Variants in KLHDC7B observed in about 807,000 individuals in gnomAD.
KLHDC7B encodes kelch domain-containing protein 7B.
A neutral mutation model predicts 0.6 loss-of-function variants in KLHDC7B; 1 was observed. The observed-to-expected ratio is 1.71, with a 90% CI of 0.61 to 8.11. KLHDC7B has a LOEUF of 8.11. KLHDC7B is among the 30% of genes most tolerant of loss of function. The pLI is 0.13. For synonymous variants in KLHDC7B, 462 were observed against 405.2 expected, an observed-to-expected ratio of 1.14 and a Z score of -1.68; for missense variants, 993 against 894.9, an observed-to-expected ratio of 1.11 and a Z score of -1.40.
rs777216248 is a variant in KLHDC7B at position 50,549,536 on chromosome 22, G to T, written c.3293G>T (p.Gly1098Val). The T allele has an allele frequency of 1.2e-6, 2 of 1,605,112 alleles. No individual in the cohort carries two copies. Among genetic ancestry groups the T allele is most frequent in the East Asian group, 2.2e-5 (1 of 44,708 alleles). ...CGTGGGGACATCTACGTCACCGGGG[G>T]TCACCTCTTCTACCGCCTGCTCAGG... ...ACRGDIYVTG[G>V]HLFYRLLRYS... Residue 1098 changes from glycine to valine, a missense_variant, in exon 1 of 1, where the codon GGT becomes GTT. By Grantham distance (109) the Gly-to-Val change is moderately radical. Coordinates refer to ENST00000648057, the MANE Select transcript of KLHDC7B (RefSeq NM_138433.5).
In KLHDC7B at chr22:50,546,889, G is replaced by A. The variant is rs1005506165; in HGVS notation, c.646G>A (p.Ala216Thr). ...AGQQDTGPWQ[A>T]GAGPSGSMGR... is the part of the protein sequence containing the mutation. The stretch of plus-strand genomic sequence containing the variant: ...GCAACAGGACACTGGCCCCTGGCAG[G>A]CGGGCGCGGGGCCCTCGGGCTCGAT... Residue 216 changes from alanine (A) to threonine (T), a missense_variant, in exon 1 of 1, where the codon GCG becomes ACG. Transcript: ENST00000648057. Among the ~76,000 whole-genome samples, 2 of 152,026 alleles carry A rather than the reference G, an allele frequency of 1.3e-5. No homozygotes were observed. The highest frequency in any genetic ancestry group is 2.9e-5 in the Non-Finnish European group (2 of 67,938).
Position 50,548,347 on chromosome 22 carries a change from G to A in KLHDC7B, c.2104G>A (p.Gly702Ser), listed in dbSNP as rs1230571142. The change falls in exon 1 of 1, where the codon GGT becomes AGT. Residue 702 changes from glycine to serine, a missense_variant. By Grantham distance (56) the Gly-to-Ser change is moderately conservative (BLOSUM62 0). Transcript: ENST00000648057. This position sits in a 1 kb window ranked among gnomAD's most constrained non-coding sequence, Gnocchi z 5.3. Reference sequence around the variant, plus strand: ...TACAGGGGGCCTGGTTGAGGCTGGAGGTCAGCCACAGCCAAGAAGCTCCGA... The same window carrying A: ...TACAGGGGGCCTGGTTGAGGCTGGAAGTCAGCCACAGCCAAGAAGCTCCGA... ...TGTGGLVEAG[G>S]QPQPRSSETN... 6.4e-7 allele frequency: 1 copy of A among 1,550,742 alleles called. No individual in the cohort carries two copies. Among genetic ancestry groups the A allele is most frequent in the Non-Finnish European group, 8.7e-7 (1 of 1,146,990 alleles).
chr22:50,548,746 G>A lies in KLHDC7B; in HGVS notation c.2503G>A (p.Val835Met). 1 of 1,458,288 alleles carries A rather than the reference G, an allele frequency of 6.9e-7. No individual in the cohort carries two copies. The allele number at this position is 1,458,288 out of a possible 1,614,324, so 90.3% of individuals were successfully genotyped here. ...TCTGCAGAGGCCCGGGGGTTGGGGG[G>A]TGGTGGAGGGGCCCCGGAAGCCCAG... The part of the protein sequence containing the change: ...VFLQRPGGWG[V>M]VEGPRKPSSR... Residue 835 changes from valine (V) to methionine (M), a missense_variant, in exon 1 of 1, where the codon GTG (valine) becomes ATG (methionine). Transcript: ENST00000648057. The surrounding 1 kb of genome is among the most constrained non-coding windows in gnomAD (Gnocchi z 5.3).
rs1396568299 is a variant in KLHDC7B at position 50,549,632 on chromosome 22, T to C, written c.3389T>C (p.Val1130Ala). ...AGCCACCGGCGTTCCAGCGACATCG[T>C]GGCACTGGGGGGCTTCCTGTACCGC... ...SASHRRSSDI[V>A]ALGGFLYRFD... The change falls in exon 1 of 1, where the codon GTG becomes GCG. Residue 1130 changes from valine to alanine, a missense_variant. Physicochemically the swap from Val to Ala is moderately conservative, Grantham distance 64. Coordinates refer to ENST00000648057, the MANE Select transcript of KLHDC7B (RefSeq NM_138433.5). 1.9e-6 allele frequency: 3 copies of C among 1,558,110 alleles called. No individual in the cohort carries two copies. The South Asian group carries it at 3.6e-5, about 19-fold the overall frequency.
In KLHDC7B at chr22:50,549,532, G is replaced by A. The variant is rs375949211; in HGVS notation, c.3289G>A (p.Gly1097Arg). 9 of 1,605,698 alleles carry A rather than the reference G, an allele frequency of 5.6e-6. No homozygotes were observed. The highest frequency in any genetic ancestry group is 4.4e-5 in the South Asian group (4 of 90,424). The change falls in exon 1 of 1, where the codon GGG (glycine) becomes AGG (arginine). Residue 1097 changes from glycine to arginine, a missense_variant. Physicochemically the swap from Gly to Arg is moderately radical, Grantham distance 125. Coordinates refer to ENST00000648057, the MANE Select transcript of KLHDC7B (RefSeq NM_138433.5). ...VACRGDIYVT[G>R]GHLFYRLLRY... ...CTGCCGTGGGGACATCTACGTCACC[G>A]GGGGTCACCTCTTCTACCGCCTGCT...
rs2148694447 is a variant in KLHDC7B at position 50,546,000 on chromosome 22, T to G, written c.-244T>G. Among the ~76,000 whole-genome samples, 1 of 151,430 alleles carries G rather than the reference T, an allele frequency of 6.6e-6. No homozygotes were observed. Among genetic ancestry groups the G allele is most frequent in the South Asian group, 2.1e-4 (1 of 4,774 alleles). On this transcript the variant is annotated 5_prime_UTR_variant, in exon 1 of 1. Coordinates refer to ENST00000648057, the MANE Select transcript of KLHDC7B (RefSeq NM_138433.5). ...AGAGGGCAGGAGCTGGTGGGGTGCT[T>G]GCAGAGACCCTGGGCTCCTATCCTG...
rs751990105 is a variant in KLHDC7B, at chr22:50,549,005, G to A, written c.2762G>A (p.Arg921Gln). The stretch of plus-strand genomic sequence containing the variant: ...CTCAGCCTGCGGACCGGCCGGGGCC[G>A]GGCGGTGCTGGGCGTCCTCGTACTG... ...RILSLRTGRG[R>Q]AVLGVLVLPS... Residue 921 changes from arginine to glutamine, a missense_variant, in exon 1 of 1, where the codon CGG (arginine) becomes CAG (glutamine). Coordinates refer to ENST00000648057, the MANE Select transcript of KLHDC7B (RefSeq NM_138433.5). 37 of 1,594,866 alleles carry A rather than the reference G, an allele frequency of 2.3e-5. No homozygotes were observed. The highest frequency in any genetic ancestry group is 2.8e-5 in the Non-Finnish European group (33 of 1,175,028).
Position 50,549,899 on chromosome 22 carries a change from G to C in KLHDC7B, c.3656G>C (p.Ser1219Thr). The C allele has an allele frequency of 6.3e-7, 1 of 1,590,214 alleles. No individual in the cohort carries two copies. Among genetic ancestry groups the C allele is most frequent in the Non-Finnish European group, 8.6e-7 (1 of 1,166,816 alleles). The change falls in exon 1 of 1, where the codon AGT (serine) becomes ACT (threonine). Residue 1219 changes from serine to threonine, a missense_variant. Coordinates refer to ENST00000648057, the MANE Select transcript of KLHDC7B (RefSeq NM_138433.5). Reference sequence around the variant, plus strand: ...CCCTTGGGGAGCACCGGGGTCCTCAGTCCATTCATCCTGACTCTGCCCCCT... The same window carrying C: ...CCCTTGGGGAGCACCGGGGTCCTCACTCCATTCATCCTGACTCTGCCCCCT... ...PFPLGSTGVL[S>T]PFILTLPPED...
At position 50,548,635 on chromosome 22, in the gene KLHDC7B, G is replaced by T. The variant is rs1007650456; in HGVS notation, c.469G>T (p.Glu157Ter). The T allele has an allele frequency of 2.0e-6, 3 of 1,535,480 alleles. No homozygotes were observed. The highest frequency in any genetic ancestry group is 1.8e-6 in the Non-Finnish European group (2 of 1,141,072). ...GGCCGCCTCGGGGGACCCTCAAGGG[G>T]AGGCGCCGGGGGAGGGGGGCAGCCC... is the stretch of plus-strand genomic sequence containing the variant. The change falls in exon 1 of 1, where the codon GAG becomes TAG. Residue 157 changes from glutamate to a stop codon, truncating the protein, a stop_gained. Transcript: ENST00000395676. LOFTEE classifies it low-confidence loss of function (END_TRUNC). The surrounding 1 kb of genome is among the most constrained non-coding windows in gnomAD (Gnocchi z 5.3).
At position 50,549,445 on chromosome 22, in the gene KLHDC7B, G is replaced by T; in HGVS notation, c.3202G>T (p.Ala1068Ser). 1 of 1,612,672 alleles carries T rather than the reference G, an allele frequency of 6.2e-7. No individual in the cohort carries two copies. The highest frequency in any genetic ancestry group is 8.5e-7 in the Non-Finnish European group (1 of 1,179,916). ...SMECYDPRTD[A>S]WTPRAPLPAG... The stretch of plus-strand genomic sequence containing the variant: ...GGAGTGCTACGACCCGCGAACAGAC[G>T]CCTGGACCCCACGCGCGCCACTCCC... Residue 1068 changes from alanine to serine, a missense_variant, in exon 1 of 1, where the codon GCC (alanine) becomes TCC (serine). By Grantham distance (99) the Ala-to-Ser change is moderately conservative (BLOSUM62 1). Coordinates refer to ENST00000648057, the MANE Select transcript of KLHDC7B (RefSeq NM_138433.5).
At position 50,548,369 on chromosome 22, in the gene KLHDC7B, C is replaced by T. The variant is rs2148695423; in HGVS notation, c.2126C>T (p.Ser709Phe). Reference sequence around the variant, plus strand: ...GGAGGTCAGCCACAGCCAAGAAGCTCCGAGACCAACGGATCGCCCAGCCCA... The same window carrying T: ...GGAGGTCAGCCACAGCCAAGAAGCTTCGAGACCAACGGATCGCCCAGCCCA... Reference protein sequence around the residue: ...EAGGQPQPRSSETNGSPSPDP... With the variant: ...EAGGQPQPRSFETNGSPSPDP... Residue 709 changes from serine to phenylalanine, a missense_variant, in exon 1 of 1, where the codon TCC (serine) becomes TTC (phenylalanine). Ser to Phe is a radical substitution (Grantham distance 155). Transcript: ENST00000648057. The surrounding 1 kb of genome is among the most constrained non-coding windows in gnomAD (Gnocchi z 5.3). 1.3e-6 allele frequency: 2 copies of T among 1,551,596 alleles called. No individual in the cohort carries two copies. The highest frequency in any genetic ancestry group is 1.2e-5 in the South Asian group (1 of 84,096).
Position 50,547,858 on chromosome 22 carries a change from A to G in KLHDC7B, c.1615A>G (p.Thr539Ala), listed in dbSNP as rs1343756245. Residue 539 changes from threonine (T) to alanine (A), a missense_variant, in exon 1 of 1, where the codon ACC becomes GCC. Coordinates refer to ENST00000648057, the MANE Select transcript of KLHDC7B (RefSeq NM_138433.5). ...TPAPAPVPVP[T>A]LTPPSPALTP... ...AGCCCCAGCCCCAGTCCCAGTCCCA[A>G]CCCTCACACCCCCATCCCCAGCCCT... 7.1e-6 allele frequency among the ~76,000 whole-genome samples: 1 copy of G among 140,672 alleles called. No homozygotes were observed. The highest frequency in any genetic ancestry group is 1.5e-5 in the Non-Finnish European group (1 of 64,966). The allele number at this position is 140,672 out of a possible 152,430, so 92.3% of individuals were successfully genotyped here.
rs755046330 is a variant in KLHDC7B at position 50,548,650 on chromosome 22, G to T, written c.2407G>T (p.Gly803Trp). The change falls in exon 1 of 1, where the codon GGG (glycine) becomes TGG (tryptophan). Residue 803 changes from glycine to tryptophan, a missense_variant. Transcript: ENST00000648057. This position sits in a 1 kb window ranked among gnomAD's most constrained non-coding sequence, Gnocchi z 5.3. ...GDPQGEAPGE[G>W]GSPAGRSGAL... ...CCCTCAAGGGGAGGCGCCGGGGGAG[G>T]GGGGCAGCCCTGCCGGCCGCAGCGG... The T allele has an allele frequency of 2.0e-6, 3 of 1,533,404 alleles. No homozygotes were observed. Among genetic ancestry groups the T allele is most frequent in the Non-Finnish European group, 2.6e-6 (3 of 1,139,926 alleles). The allele number at this position is 1,533,404 out of a possible 1,614,324, so 95.0% of individuals were successfully genotyped here. A position where few individuals can be genotyped will look rare whatever the true frequency, so the allele number is the denominator to read the frequency against.
rs907322169 is a variant in KLHDC7B at position 50,547,731 on chromosome 22, C to G, written c.1488C>G (p.Thr496=). The G allele has an allele frequency of 8.4e-6, 4 of 473,452 alleles. No homozygotes were observed. Among genetic ancestry groups the G allele is most frequent in the Non-Finnish European group, 3.7e-6 (1 of 269,030 alleles). 29.3% of individuals were successfully genotyped at this position (473,452 alleles called of 1,614,324 possible). Residue 496 remains threonine, a synonymous_variant, in exon 1 of 1, where the codon ACC becomes ACG. Transcript: ENST00000648057. ...CCAGCTCAGCACCAACCTCAGCCAC[C>G]ACCTCAACCTCATCCCCCACCTCAG... ...SSPSSAPTSA[T]TSTSSPTSAP...
At position 50,548,345 on chromosome 22, in the gene KLHDC7B, G is replaced by T. The variant is rs1272383165; in HGVS notation, c.2102G>T (p.Gly701Val). ...GTGTGGLVEA[G>V]GQPQPRSSET... ...GGTACAGGGGGCCTGGTTGAGGCTGGAGGTCAGCCACAGCCAAGAAGCTCC... is the reference window on the plus strand; with the variant it reads ...GGTACAGGGGGCCTGGTTGAGGCTGTAGGTCAGCCACAGCCAAGAAGCTCC... Residue 701 changes from glycine (G) to valine (V), a missense_variant, in exon 1 of 1, where the codon GGA (glycine) becomes GTA (valine). Physicochemically the swap from Gly to Val is moderately radical, Grantham distance 109 (BLOSUM62 -3). Transcript: ENST00000648057. The surrounding 1 kb of genome is among the most constrained non-coding windows in gnomAD (Gnocchi z 5.3). The T allele has an allele frequency of 6.4e-7, 1 of 1,550,726 alleles. No homozygotes were observed. Among genetic ancestry groups the T allele is most frequent in the African/African-American group, 1.4e-5 (1 of 72,986 alleles).
In KLHDC7B at chr22:50,549,332, G is replaced by C; in HGVS notation, c.3089G>C (p.Arg1030Pro). ...CTGACCAACATCTGGAGCCAGGTTC[G>C]GCCCATGCAGCAGGCCCGAGCCCAG... ...NPLTNIWSQV[R>P]PMQQARAQLK... The change falls in exon 1 of 1, where the codon CGG (arginine) becomes CCG (proline). Residue 1030 changes from arginine (R) to proline (P), a missense_variant. By Grantham distance (103) the Arg-to-Pro change is moderately radical (BLOSUM62 -2). Coordinates refer to ENST00000648057, the MANE Select transcript of KLHDC7B (RefSeq NM_138433.5). The C allele has an allele frequency of 6.2e-7, 1 of 1,612,848 alleles. No individual in the cohort carries two copies. The highest frequency in any genetic ancestry group is 1.1e-5 in the South Asian group (1 of 91,092).
rs1464363749 is a variant in KLHDC7B at position 50,546,757 on chromosome 22, T to C, written c.514T>C (p.Ser172Pro). The part of the protein sequence containing the change: ...LLGRSEAGGM[S>P]APLLIHFTPR... Reference sequence around the variant, plus strand: ...GGGCAGGAGCGAAGCAGGGGGGATGTCCGCCCCCCTCCTGATCCACTTCAC... The same window carrying C: ...GGGCAGGAGCGAAGCAGGGGGGATGCCCGCCCCCCTCCTGATCCACTTCAC... Residue 172 changes from serine (S) to proline (P), a missense_variant, in exon 1 of 1, where the codon TCC (serine) becomes CCC (proline). Physicochemically the swap from Ser to Pro is moderately conservative, Grantham distance 74. Transcript: ENST00000648057. 6.6e-6 allele frequency among the ~76,000 whole-genome samples: 1 copy of C among 152,088 alleles called. No homozygotes were observed. The highest frequency in any genetic ancestry group is 2.1e-4 in the South Asian group (1 of 4,822).
In KLHDC7B at chr22:50,548,617, T is replaced by G. The variant is rs2069762016; in HGVS notation, c.2374T>G (p.Ser792Ala). The change falls in exon 1 of 1, where the codon TCG (serine) becomes GCG (alanine). Residue 792 changes from serine to alanine, a missense_variant. Physicochemically the swap from Ser to Ala is moderately conservative, Grantham distance 99 (BLOSUM62 1). Coordinates refer to ENST00000648057, the MANE Select transcript of KLHDC7B (RefSeq NM_138433.5). The surrounding 1 kb of genome is among the most constrained non-coding windows in gnomAD (Gnocchi z 5.3). Reference sequence around the variant, plus strand: ...GGAGCAGGAGGTCAGGCCGGCCGCCTCGGGGGACCCTCAAGGGGAGGCGCC... The same window carrying G: ...GGAGCAGGAGGTCAGGCCGGCCGCCGCGGGGGACCCTCAAGGGGAGGCGCC... ...SSEQEVRPAA[S>A]GDPQGEAPGE... 1 of 1,542,186 alleles carries G rather than the reference T, an allele frequency of 6.5e-7. No homozygotes were observed. Among genetic ancestry groups the G allele is most frequent in the South Asian group, 1.2e-5 (1 of 83,866 alleles).
At position 50,547,157 on chromosome 22, in the gene KLHDC7B, G is replaced by C. The variant is rs551459587; in HGVS notation, c.914G>C (p.Gly305Ala). ...CTGCAGCCTGGGTCTCAGACGGAAG[G>C]CTCTGGGGCCAAGGGTGGCTGGAGC... ...RALQPGSQTE[G>A]SGAKGGWSRE... The change falls in exon 1 of 1, where the codon GGC becomes GCC. Residue 305 changes from glycine (G) to alanine (A), a missense_variant. Physicochemically the swap from Gly to Ala is moderately conservative, Grantham distance 60 (BLOSUM62 0). Transcript: ENST00000648057. Among the ~76,000 whole-genome samples, 132 of 151,760 alleles carry C rather than the reference G, an allele frequency of 8.7e-4. 2 individuals are homozygous for C. The highest frequency in any genetic ancestry group is 2.9e-3 in the African/African-American group (122 of 41,438).
Sources: gnomAD v4.1 joint callset for allele counts (sites outside exome capture counted in the v4.1 genomes callset) on GRCh38, gnomAD v4.1.1 for gene constraint, Gnocchi (gnomAD v3.1) non-coding constraint, MANE v1.5 for transcripts, NCBI Gene and HGNC (gene_info 2026-07-23, HGNC 2026-07-21) for gene names.